Variants in CSMD1 observed in about 807,000 individuals in gnomAD.
CSMD1 encodes CUB and sushi domain-containing protein 1.
Under a neutral mutation model 417.5 loss-of-function variants are expected in CSMD1, and 213 were observed. The ratio of observed to expected loss-of-function variants is 0.51; its 90% confidence interval spans 0.46 to 0.57. The LOEUF (loss-of-function observed/expected upper bound fraction) is 0.57, where lower values mean the gene tolerates loss of function less well. Among genes scored for constraint, CSMD1 ranks in the 20% least tolerant of loss-of-function variants. The pLI, the probability that CSMD1 is intolerant of heterozygous loss-of-function variation, is 0.00. For missense variants in CSMD1, 6,923 were observed against 4,529.7 expected (o/e 1.53, Z -15.17); for synonymous variants, 2,862 against 1,736.8 (o/e 1.65, Z -16.11).
Position 3,801,934 on chromosome 8 carries a change from G to A in CSMD1, c.819-47892C>T, listed in dbSNP as rs145285159. Among the ~76,000 whole-genome samples the A allele has an allele frequency of 1.8e-4, 28 of 152,178 alleles. 2 individuals are homozygous for A. The highest frequency in any genetic ancestry group is 6.7e-4 in the African/African-American group (28 of 41,532). Reference sequence around the variant, plus strand: ...GCCTAGGGTATAGGGTGGGGAGTCAGGGTAGAACAGAAAATGACTGATAAT... The same window carrying A: ...GCCTAGGGTATAGGGTGGGGAGTCAAGGTAGAACAGAAAATGACTGATAAT... On this transcript the variant is annotated intron_variant, in intron 5 of 69. Coordinates refer to ENST00000635120, the MANE Select transcript of CSMD1 (RefSeq NM_033225.6).
intron 35 of CSMD1, 81 bp downstream of exon 35, chr8:3,188,806 A>G: frequency 8.1e-7 from 1 of 1,240,564 alleles, no homozygotes; most frequent in Non-Finnish European, 1.1e-6. Flanking sequence ...ATGGAAAGAA[A>G]CATAGAACAA....
chr8:3,689,472 G>C (rs1310191216), intron 7 of CSMD1, among the ~76,000 whole-genome samples: 3 of 152,196 alleles, frequency 2.0e-5, no homozygotes, highest in African/African-American at 7.2e-5. Context: ...AAAGATTCTT[G>C]AAGACAGAAT....
chr8:3,496,869 T>G lies in CSMD1; in HGVS notation c.1345-3143A>C, dbSNP rs537059645. Among the ~76,000 whole-genome samples, 151 of 152,338 alleles carry G rather than the reference T, an allele frequency of 9.9e-4. 3 individuals are homozygous for G. In the Middle Eastern group the frequency reaches 0.014, roughly 14 times the overall value. Reference sequence around the variant, plus strand: ...GTTTAAATTTTGTTCTTAATTTCTTTATAGACCCATTGGCCTATTTCTTCA... The same window carrying G: ...GTTTAAATTTTGTTCTTAATTTCTTGATAGACCCATTGGCCTATTTCTTCA... On this transcript the variant is annotated intron_variant, in intron 10 of 69. Coordinates refer to ENST00000635120, the MANE Select transcript of CSMD1 (RefSeq NM_033225.6).
intron 37 of CSMD1, among the ~76,000 whole-genome samples, chr8:3,174,073 T>C (rs1472097006): frequency 1.3e-5 from 2 of 152,228 alleles, no homozygotes; most frequent in Non-Finnish European, 2.9e-5. Context: ...TAAGGAAGTA[T>C]TTTAATGGCA....
At chr8:3,008,001 T>C (rs78691199) in intron 52 of CSMD1, among the ~76,000 whole-genome samples, 21 of 152,190 alleles carry the variant, frequency 1.4e-4, no homozygotes, top group African/African-American at 4.8e-5. Flanking sequence ...TTGCTTAAAA[T>C]GTCTCAAATA....
intron 2 of CSMD1, among the ~76,000 whole-genome samples, chr8:4,432,281 G>T (rs1401460030): frequency 2.6e-5 from 4 of 152,074 alleles, no homozygotes; most frequent in South Asian, 2.1e-4. Flanking sequence ...CCAGGTGTAG[G>T]TTTTTATGAG....
intron 1 of CSMD1, among the ~76,000 whole-genome samples, chr8:4,841,718 C>T (rs1458773986): frequency 2.0e-5 from 3 of 151,822 alleles, no homozygotes; most frequent in African/African-American, 4.8e-5. Context: ...GGAGACAAGC[C>T]TGACCAACAT....
intron 2 of CSMD1, among the ~76,000 whole-genome samples, chr8:4,615,168 T>C (rs1309222688): frequency 6.6e-6 from 1 of 152,138 alleles, no homozygotes; most frequent in Non-Finnish European, 1.5e-5. Context: ...ATTTCAAATC[T>C]ATTATCGCCC....
intron 1 of CSMD1, among the ~76,000 whole-genome samples, chr8:4,762,667 T>G (rs1009805954): frequency 6.6e-6 from 1 of 152,008 alleles, no homozygotes; most frequent in Non-Finnish European, 1.5e-5. Context: ...AGCTGTGTGG[T>G]TCTCTATCAA....
At chr8:4,768,571 T>G (rs1435128282) in intron 1 of CSMD1, among the ~76,000 whole-genome samples, 2 of 152,188 alleles carry the variant, frequency 1.3e-5, no homozygotes, top group Non-Finnish European at 2.9e-5. Flanking sequence ...TGCTTTGGAT[T>G]GCACGAGCTC....
chr8:3,200,205 T>A (rs1458691326), intron 32 of CSMD1, among the ~76,000 whole-genome samples: 5 of 152,038 alleles, frequency 3.3e-5, no homozygotes, highest in African/African-American at 7.2e-5. Context: ...CAAAGATGAT[T>A]TTTTTTAAAT....
intron 6 of CSMD1, among the ~76,000 whole-genome samples, chr8:3,721,553 A>C (rs1802176031): frequency 6.6e-6 from 1 of 152,166 alleles, no homozygotes. Flanking sequence ...TAGGATTTTT[A>C]AATTATTAAA....
intron 12 of CSMD1, among the ~76,000 whole-genome samples, chr8:3,419,309 A>C (rs528061647): frequency 1.3e-5 from 2 of 152,324 alleles, no homozygotes; most frequent in African/African-American, 4.8e-5. Context: ...AAACTTCAAA[A>C]ATAAAACTAA....
chr8:4,700,878 C>T (rs545893844), intron 1 of CSMD1, among the ~76,000 whole-genome samples: 1 of 152,248 alleles, frequency 6.6e-6, no homozygotes, highest in South Asian at 2.1e-4. Context: ...ACCTACAGTG[C>T]TCCTGTTACA....
rs1186717163 is a variant in CSMD1 at position 3,928,034 on chromosome 8, T to C, written c.818+69869A>G. Among the ~76,000 whole-genome samples the C allele has an allele frequency of 2.0e-5, 3 of 152,166 alleles. No homozygotes were observed. In the East Asian group the frequency reaches 5.8e-4, roughly 29 times the overall value. On this transcript the variant is annotated intron_variant, in intron 5 of 69. Coordinates refer to ENST00000635120, the MANE Select transcript of CSMD1 (RefSeq NM_033225.6). ...ATCTTTTCTAATTGATGAACAATTA[T>C]AGCATCAATTTTTTTCTTAAATTTC...
intron 3 of CSMD1, among the ~76,000 whole-genome samples, chr8:4,375,126 G>A (rs991056450): frequency 1.2e-4 from 19 of 152,046 alleles, no homozygotes; most frequent in African/African-American, 3.6e-4. Flanking sequence ...AGTCAAAAAT[G>A]GCAACTGTAG....
intron 23 of CSMD1, among the ~76,000 whole-genome samples, chr8:3,314,657 A>T (rs1371975433): frequency 6.6e-6 from 1 of 152,216 alleles, no homozygotes; most frequent in Admixed American, 6.5e-5. Context: ...TTCTAATCAA[A>T]ACAAGCTCCA....
chr8:4,061,884 G>C lies in CSMD1; in HGVS notation c.416-29785C>G, dbSNP rs377040817. ...GTCTTTCCATGACTTGACAACTTCT[G>C]AGCATACTGGTAAAGTGAATAAATA... On this transcript the variant is annotated intron_variant, in intron 3 of 69. Transcript: ENST00000635120. Among the ~76,000 whole-genome samples the C allele has an allele frequency of 2.0e-5, 3 of 152,138 alleles. No homozygotes were observed. The South Asian group carries it at 6.2e-4, about 32-fold the overall frequency.
At chr8:3,404,332 C>T (rs1812222016) in intron 15 of CSMD1, among the ~76,000 whole-genome samples, 1 of 13,642 alleles carries the variant, frequency 7.3e-5, no homozygotes, top group East Asian at 2.0e-3. Flanking sequence ...CAGACGCTAT[C>T]TCAAAAAAAA....
Sources: allele counts gnomAD v4.1 joint callset (sites outside exome capture counted in the v4.1 genomes callset), GRCh38; gene constraint gnomAD v4.1.1; transcripts MANE v1.5; gene names NCBI Gene and HGNC (gene_info 2026-07-23, HGNC 2026-07-21).